Variants in MARS1 observed in about 807,000 individuals in gnomAD.
MARS1 encodes the protein methionyl-tRNA synthetase 1.
Under a neutral mutation model 119.5 loss-of-function variants are expected in MARS1, and 80 were observed. The ratio of observed to expected loss-of-function variants is 0.67; its 90% confidence interval spans 0.56 to 0.81. MARS1 has a LOEUF of 0.81. MARS1 is among the 30% of genes least tolerant of loss of function. The pLI is 0.00. For synonymous variants in MARS1, 418 were observed against 433.4 expected (o/e 0.96, Z 0.44); for missense variants, 945 against 1,116.5 (o/e 0.85, Z 2.19).
At chr12:57,495,917 G>A (rs1876602436) in intron 7 of MARS1, among the ~76,000 whole-genome samples, 1 of 152,234 alleles carries the variant, frequency 6.6e-6, no homozygotes, top group Non-Finnish European at 1.5e-5. Flanking sequence ...GGAGAATCAG[G>A]CAGGGAGGTT....
At chr12:57,505,096 G>C (rs1049356432) in intron 11 of MARS1, among the ~76,000 whole-genome samples, 2 of 151,866 alleles carry the variant, frequency 1.3e-5, no homozygotes, top group Non-Finnish European at 2.9e-5. Context: ...CAGTTCTCCT[G>C]CCTCTGCCTG....
Position 57,488,127 on chromosome 12 carries a change from T to C in MARS1, c.37T>C (p.Leu13=). 1 of 1,614,192 alleles carries C rather than the reference T, an allele frequency of 6.2e-7. No individual in the cohort carries two copies. The highest frequency in any genetic ancestry group is 8.5e-7 in the Non-Finnish European group (1 of 1,180,040). The change falls in exon 1 of 21, where the codon TTG becomes CTG. Residue 13 remains leucine (L), a synonymous_variant. Coordinates refer to ENST00000262027, the MANE Select transcript of MARS1 (RefSeq NM_004990.4). The part of the protein sequence containing the change: ...LFVSDGVPGC[L]PVLAAAGRAR... ...CGTGAGTGATGGCGTCCCGGGTTGC[T>C]TGCCGGTGCTGGCCGCCGCCGGGAG...
intron 7 of MARS1, among the ~76,000 whole-genome samples, chr12:57,493,884 T>A (rs1203746301): frequency 8.6e-5 from 5 of 57,824 alleles, no homozygotes; most frequent in African/African-American, 2.4e-4. Flanking sequence ...ATATAATATA[T>A]AATATATATT....
intron 15 of MARS1, among the ~76,000 whole-genome samples, chr12:57,513,643 T>C (rs927581138): frequency 2.0e-5 from 3 of 150,402 alleles, no homozygotes; most frequent in Non-Finnish European, 1.5e-5. Context: ...AGGCTTCTGC[T>C]ATACTCTTCA....
In MARS1 at chr12:57,516,591, G is replaced by C; in HGVS notation, c.*10G>C. 6.4e-7 allele frequency: 1 copy of C among 1,562,912 alleles called. No individual in the cohort carries two copies. The highest frequency in any genetic ancestry group is 8.6e-7 in the Non-Finnish European group (1 of 1,161,630). On this transcript the variant is annotated 3_prime_UTR_variant, in exon 21 of 21. Coordinates refer to ENST00000262027, the MANE Select transcript of MARS1 (RefSeq NM_004990.4). ...CAAGAAGAAAAAGTAAAAGACCTTG[G>C]CTCATAGAAAGTCACTTTAATAGAT...
At chr12:57,505,233 C>G (rs1402046082) in intron 11 of MARS1, among the ~76,000 whole-genome samples, 1 of 151,448 alleles carries the variant, frequency 6.6e-6, no homozygotes, top group Non-Finnish European at 1.5e-5. Flanking sequence ...ACGGTCTCGG[C>G]TCACTGCAAC....
In MARS1 at chr12:57,504,233, G is replaced by T; in HGVS notation, c.1302G>T (p.Gln434His). ...GGAATTTTCCTTCGCAGAAGCCTCA[G>T]TGTAAAGTCTGCCGATCATGCCCTG... ...LINAVELKKP[Q>H]CKVCRSCPVV... The change falls in exon 11 of 21, where the codon CAG becomes CAT. Residue 434 changes from glutamine to histidine, a missense_variant. Transcript: ENST00000262027. 6.2e-7 allele frequency: 1 copy of T among 1,614,022 alleles called. No individual in the cohort carries two copies. The highest frequency in any genetic ancestry group is 2.2e-5 in the East Asian group (1 of 44,880).
intron 11 of MARS1, among the ~76,000 whole-genome samples, chr12:57,510,850 G>T (rs1426797192): frequency 6.6e-6 from 1 of 152,080 alleles, no homozygotes; most frequent in African/African-American, 2.4e-5. Context: ...TGAGGCGGGA[G>T]AATTGCTTGA....
chr12:57,498,427 C>T lies in MARS1; in HGVS notation c.895C>T (p.Arg299Cys), dbSNP rs373211996. The T allele has an allele frequency of 3.3e-5, 54 of 1,613,522 alleles. No homozygotes were observed. The highest frequency in any genetic ancestry group is 5.0e-5 in the Admixed American group (3 of 59,998). ...LSADVFARYS[R>C]LRQWNTLYLC... Reference sequence around the variant, plus strand: ...CACCATATTCCCTTGCAGGTACTCTCGCCTCCGCCAGTGGAACACCCTCTA... The same window carrying T: ...CACCATATTCCCTTGCAGGTACTCTTGCCTCCGCCAGTGGAACACCCTCTA... Residue 299 changes from arginine (R) to cysteine (C), a missense_variant, in exon 9 of 21, where the codon CGC becomes TGC. Physicochemically the swap from Arg to Cys is radical, Grantham distance 180. Coordinates refer to ENST00000262027, the MANE Select transcript of MARS1 (RefSeq NM_004990.4).
Position 57,504,291 on chromosome 12 carries a change from C to T in MARS1, c.1360C>T (p.Leu454=), listed in dbSNP as rs139002397. The change falls in exon 11 of 21, where the codon CTG becomes TTG. Residue 454 remains leucine (L), a synonymous_variant. Coordinates refer to ENST00000262027, the MANE Select transcript of MARS1 (RefSeq NM_004990.4). ...VQSSQHLFLD[L]PKLEKRLEEW... ...GTCGAGCCAGCACCTGTTTCTGGAC[C>T]TGCCTAAGGTAAGTGAGCTTTTCTC... is the stretch of plus-strand genomic sequence containing the variant. The T allele has an allele frequency of 1.1e-4, 174 of 1,613,976 alleles. No homozygotes were observed. Among genetic ancestry groups the T allele is most frequent in the Non-Finnish European group, 6.4e-5 (76 of 1,179,944 alleles).
chr12:57,516,543 A>C lies in MARS1; in HGVS notation c.2665A>C (p.Lys889Gln), dbSNP rs1877847860. The change falls in exon 21 of 21, where the codon AAA (lysine) becomes CAA (glutamine). Residue 889 changes from lysine to glutamine, a missense_variant. Transcript: ENST00000262027. ...LKKQLAVAEG[K>Q]PPEAPKGKKK... The stretch of plus-strand genomic sequence containing the variant: ...GAAACAGTTGGCTGTAGCTGAGGGG[A>C]AACCCCCTGAAGCCCCTAAAGGCAA... The C allele has an allele frequency of 6.2e-7, 1 of 1,606,486 alleles. No individual in the cohort carries two copies.
rs148134582 is a variant in MARS1, at chr12:57,505,005, CCTGA to C, written c.1368+709_1368+712del. Among the ~76,000 whole-genome samples, 594 of 151,258 alleles carry C rather than the reference CCTGA, an allele frequency of 3.9e-3. 2 individuals are homozygous for C. Among genetic ancestry groups the C allele is most frequent in the Middle Eastern group, 0.027 (8 of 294 alleles). ...AGGTGTGAGCCACCGCACTGGGCCACCTGACTAATTTTTAAAATGCTTTTGTAGA... is the reference window on the plus strand; with the variant it reads ...AGGTGTGAGCCACCGCACTGGGCCACCTAATTTTTAAAATGCTTTTGTAGA... On this transcript the variant is annotated intron_variant, in intron 11 of 20. Transcript: ENST00000262027.
intron 10 of MARS1, among the ~76,000 whole-genome samples, chr12:57,502,883 G>A (rs1023254176): frequency 1.3e-5 from 2 of 151,736 alleles, no homozygotes; most frequent in Admixed American, 6.6e-5. Flanking sequence ...AAAATAAGCC[G>A]GGCGCGGTGG....
chr12:57,498,315 C>G (rs762637817), intron 8 of MARS1, 42 bp downstream of exon 8: 1 of 1,597,868 alleles, frequency 6.3e-7, no homozygotes, highest in Non-Finnish European at 8.6e-7. Flanking sequence ...AAGGGAAGGG[C>G]GGGTCCCAGG....
rs142698904 is a variant in MARS1, at chr12:57,499,822, C to T, written c.1092-499C>T. Among the ~76,000 whole-genome samples the T allele has an allele frequency of 1.8e-3, 275 of 152,088 alleles. 2 individuals are homozygous for T. The highest frequency in any genetic ancestry group is 6.4e-3 in the African/African-American group (266 of 41,472). Reference sequence around the variant, plus strand: ...GCTGAGGCAGAGAATTGCTTGAACCCGGGAGGCTGAGGCAGGCAGTGAGCT... The same window carrying T: ...GCTGAGGCAGAGAATTGCTTGAACCTGGGAGGCTGAGGCAGGCAGTGAGCT... On this transcript the variant is annotated intron_variant, in intron 9 of 20. Transcript: ENST00000262027.
In MARS1 at chr12:57,489,840, G is replaced by T. The variant is rs182438178; in HGVS notation, c.415-56G>T. 1.8e-5 allele frequency: 27 copies of T among 1,479,628 alleles called. No homozygotes were observed. The Admixed American group carries it at 4.5e-4, about 25-fold the overall frequency. 91.7% of individuals were successfully genotyped at this position (1,479,628 alleles called of 1,614,324 possible). A position where few individuals can be genotyped will look rare whatever the true frequency, so the allele number is the denominator to read the frequency against. ...TCAGTAAATGTTAGATATTACCATT[G>T]GGAAGAAACTGAGTGTCTCATTTGT... On this transcript the variant is annotated intron_variant, in intron 4 of 20. Coordinates refer to ENST00000262027, the MANE Select transcript of MARS1 (RefSeq NM_004990.4).
intron 7 of MARS1, among the ~76,000 whole-genome samples, chr12:57,495,433 T>G (rs1339182861): frequency 3.4e-5 from 5 of 148,660 alleles, no homozygotes; most frequent in African/African-American, 1.3e-4. Flanking sequence ...TCCCCACATC[T>G]CAGACCATGG....
At chr12:57,499,322 G>T (rs1222620863) in intron 9 of MARS1, among the ~76,000 whole-genome samples, 2 of 148,354 alleles carry the variant, frequency 1.3e-5, no homozygotes, top group Non-Finnish European at 3.0e-5. Context: ...GGGGCTGGGC[G>T]CGGTGGCTCA....
At chr12:57,490,880 T>C (rs1875911553) in intron 7 of MARS1, among the ~76,000 whole-genome samples, 2 of 147,460 alleles carry the variant, frequency 1.4e-5, no homozygotes, top group South Asian at 4.3e-4. Flanking sequence ...CTATCCTTTT[T>C]TTTTTTTTTT....
Sources: gnomAD v4.1 joint callset for allele counts (sites outside exome capture counted in the v4.1 genomes callset) on GRCh38, gnomAD v4.1.1 for gene constraint, MANE v1.5 for transcripts, NCBI Gene and HGNC (gene_info 2026-07-23, HGNC 2026-07-21) for gene names.